The following ASAP1 variants were observed in gnomAD, a reference collection of about 807,000 sequenced individuals.
The protein encoded by ASAP1 is ArfGAP with SH3 domain, ankyrin repeat and PH domain 1, also known as arf-GAP with SH3 domain, ANK repeat and PH domain-containing protein 1.
In ASAP1, 43 loss-of-function variants were observed where a neutral mutation model predicts 145.2. The observed-to-expected ratio is 0.30, with a 90% CI of 0.23 to 0.38. The LOEUF (loss-of-function observed/expected upper bound fraction) is 0.38, where lower values mean the gene tolerates loss of function less well. ASAP1 is among the 10% of genes least tolerant of loss of function. The probability of loss-of-function intolerance (pLI) is 1.00; values close to 1 mark genes in which losing one functional copy is unlikely to be tolerated. For synonymous variants in ASAP1, 546 were observed against 515.5 expected, an observed-to-expected ratio of 1.06 and a Z score of -0.80; for missense variants, 1,018 against 1,355.3, an observed-to-expected ratio of 0.75 and a Z score of 3.91.
intron 3 of ASAP1, among the ~76,000 whole-genome samples, chr8:130,263,946 A>T (rs1387996656): frequency 6.6e-6 from 1 of 151,950 alleles, no homozygotes; most frequent in African/African-American, 2.4e-5. Context: ...TGACTCACAC[A>T]CATTCTTCTT....
chr8:130,235,379 A>G (rs1818154157), intron 4 of ASAP1, among the ~76,000 whole-genome samples: 1 of 152,114 alleles, frequency 6.6e-6, no homozygotes, highest in African/African-American at 2.4e-5. Flanking sequence ...TGAATTATCA[A>G]AAAGTGAACT....
At chr8:130,263,456 G>A (rs760021068) in intron 3 of ASAP1, among the ~76,000 whole-genome samples, 2 of 152,188 alleles carry the variant, frequency 1.3e-5, no homozygotes, top group Non-Finnish European at 2.9e-5. Flanking sequence ...GCAAGTCTGG[G>A]TACAGCATGA....
intron 4 of ASAP1, among the ~76,000 whole-genome samples, chr8:130,235,811 A>C (rs1818180766): frequency 6.6e-6 from 1 of 152,166 alleles, no homozygotes; most frequent in Non-Finnish European, 1.5e-5. Flanking sequence ...AGCTCTGATG[A>C]GACGGGAAGG....
intron 9 of ASAP1, among the ~76,000 whole-genome samples, chr8:130,177,057 C>T (rs778759487): frequency 6.6e-6 from 1 of 152,212 alleles, no homozygotes; most frequent in African/African-American, 2.4e-5. Flanking sequence ...AATAATGGAT[C>T]TGACTTACTT....
intron 4 of ASAP1, among the ~76,000 whole-genome samples, chr8:130,229,953 T>C (rs1483605444): frequency 6.6e-6 from 1 of 152,058 alleles, no homozygotes; most frequent in Non-Finnish European, 1.5e-5. Flanking sequence ...TCCCAGCTGC[T>C]ACTCGGGAGG....
At chr8:130,383,136 G>A (rs1254664270) in intron 2 of ASAP1, among the ~76,000 whole-genome samples, 1 of 152,104 alleles carries the variant, frequency 6.6e-6, no homozygotes, top group African/African-American at 2.4e-5. Flanking sequence ...TCTTCTGCCT[G>A]GAAATGACAT....
chr8:130,381,054 T>C (rs1827743995), intron 2 of ASAP1, among the ~76,000 whole-genome samples: 1 of 152,174 alleles, frequency 6.6e-6, no homozygotes, highest in Non-Finnish European at 1.5e-5. Flanking sequence ...TGGCTAATTT[T>C]TGTATTTTTT....
At chr8:130,330,678 A>G (rs1005658647) in intron 3 of ASAP1, among the ~76,000 whole-genome samples, 1 of 152,212 alleles carries the variant, frequency 6.6e-6, no homozygotes, top group Admixed American at 6.5e-5. Flanking sequence ...AAGCTTTACG[A>G]TGGATCATTG....
intron 1 of ASAP1, among the ~76,000 whole-genome samples, chr8:130,439,170 C>T (rs935650822): frequency 2.6e-5 from 4 of 152,098 alleles, no homozygotes; most frequent in South Asian, 2.1e-4. Flanking sequence ...CCAACACTGC[C>T]GGCTTTGGAG....
intron 2 of ASAP1, among the ~76,000 whole-genome samples, chr8:130,390,769 A>G (rs1278607952): frequency 6.6e-6 from 1 of 152,252 alleles, no homozygotes; most frequent in African/African-American, 2.4e-5. Flanking sequence ...AAAAACAGAA[A>G]ATAACAAGTG....
At chr8:130,346,571 G>A (rs1227321440) in intron 3 of ASAP1, among the ~76,000 whole-genome samples, 1 of 152,174 alleles carries the variant, frequency 6.6e-6, no homozygotes, top group African/African-American at 2.4e-5. Flanking sequence ...CTGTTGGGAG[G>A]ATTATATGAG....
chr8:130,170,895 T>A (rs913083054), intron 9 of ASAP1, among the ~76,000 whole-genome samples: 8 of 152,068 alleles, frequency 5.3e-5, no homozygotes, highest in Non-Finnish European at 1.2e-4. Flanking sequence ...ATTTTTATTT[T>A]TGTAAAGATA....
At chr8:130,265,684 C>T (rs1475836042) in intron 3 of ASAP1, among the ~76,000 whole-genome samples, 1 of 151,928 alleles carries the variant, frequency 6.6e-6, no homozygotes, top group African/African-American at 2.4e-5. Flanking sequence ...AGACCAGCGA[C>T]CAGCTTGGGC....
intron 3 of ASAP1, among the ~76,000 whole-genome samples, chr8:130,315,815 C>T (rs1586815933): frequency 2.6e-5 from 4 of 152,352 alleles, no homozygotes; most frequent in Admixed American, 2.6e-4. Context: ...ATTCACAACA[C>T]TTCTGCCCAT....
At chr8:130,380,081 T>G (rs1827696029) in intron 2 of ASAP1, among the ~76,000 whole-genome samples, 1 of 152,180 alleles carries the variant, frequency 6.6e-6, no homozygotes, top group Non-Finnish European at 1.5e-5. Flanking sequence ...ACCTACCTGT[T>G]GGGCACCCCA....
chr8:130,108,304 C>A (rs1292684740), intron 24 of ASAP1, among the ~76,000 whole-genome samples: 2 of 152,198 alleles, frequency 1.3e-5, no homozygotes, highest in African/African-American at 4.8e-5. Context: ...TTCTAGAGGC[C>A]TGGCTTCAGG....
chr8:130,283,587 G>GACAAAAAAAAAAAA (rs1821396757), intron 3 of ASAP1, among the ~76,000 whole-genome samples: 3 of 20,852 alleles, frequency 1.4e-4, no homozygotes, highest in African/African-American at 5.1e-4. Context: ...ATCACAGAAA[G>GACAAAAAAAAAAAA]AAAAAAAAAA....
chr8:130,296,764 G>GAA (rs200994455), intron 3 of ASAP1, among the ~76,000 whole-genome samples: 4 of 142,732 alleles, frequency 2.8e-5, no homozygotes, highest in African/African-American at 1.0e-4. Context: ...TAGTTTAAAA[G>GAA]AAAAAAAAAA....
In ASAP1 at chr8:130,054,460, C is replaced by T; in HGVS notation, c.*271G>A. 3 of 321,724 alleles carry T rather than the reference C, an allele frequency of 9.3e-6. No individual in the cohort carries two copies. The highest frequency in any genetic ancestry group is 3.9e-5 in the Admixed American group (1 of 25,526). The allele number at this position is 321,724 out of a possible 1,614,324, so 19.9% of individuals were successfully genotyped here. On this transcript the variant is annotated 3_prime_UTR_variant, in exon 30 of 30. Coordinates refer to ENST00000518721, the MANE Select transcript of ASAP1 (RefSeq NM_018482.4). ...CTATACTCCTATTTTTGTTTGTTTG[C>T]TTGTAGAACAGCATAGAGAGATGTA...
Sources: allele counts gnomAD v4.1 joint callset (sites outside exome capture counted in the v4.1 genomes callset), GRCh38; gene constraint gnomAD v4.1.1; transcripts MANE v1.5; gene names NCBI Gene and HGNC (gene_info 2026-07-23, HGNC 2026-07-21).